The following GGT5 variants were observed in gnomAD, a reference collection of about 807,000 sequenced individuals.
GGT5 encodes gamma-glutamyltransferase 5.
A neutral mutation model predicts 58.1 loss-of-function variants in GGT5; 50 were observed. That is an observed-to-expected ratio of 0.86 (90% CI 0.69 to 1.09). GGT5 has a LOEUF of 1.09. Ranked by LOEUF, GGT5 falls within the 50% of genes least tolerant of loss-of-function variation. The pLI, the probability that GGT5 is intolerant of heterozygous loss-of-function variation, is 0.00. For synonymous variants in GGT5, 370 were observed against 346.1 expected (o/e 1.07, Z -0.77); for missense variants, 800 against 789.4 (o/e 1.01, Z -0.16).
At chr22:24,226,602 C>T (rs758165317) in intron 7 of GGT5, 29 bp downstream of exon 7, 2 of 1,611,998 alleles carry the variant, frequency 1.2e-6, no homozygotes, top group Non-Finnish European at 8.5e-7. Flanking sequence ...GAGGACGGCC[C>T]ACCAGCCCAG....
At chr22:24,231,269 A>G (rs1186158135) in intron 6 of GGT5, 115 bp downstream of exon 6, 2 of 657,082 alleles carry the variant, frequency 3.0e-6, no homozygotes, top group African/African-American at 2.0e-5. Context: ...AACCCGGTTT[A>G]TGGAGGAGGA....
At chr22:24,229,365 C>T (rs979500520) in intron 6 of GGT5, among the ~76,000 whole-genome samples, 2 of 150,758 alleles carry the variant, frequency 1.3e-5, no homozygotes, top group African/African-American at 4.9e-5. Context: ...CGAGACGCAC[C>T]ATTGCACTCC....
At position 24,232,902 on chromosome 22, in the gene GGT5, C is replaced by G; in HGVS notation, c.517G>C (p.Gly173Arg). 1.3e-6 allele frequency: 2 copies of G among 1,583,742 alleles called. No homozygotes were observed. The highest frequency in any genetic ancestry group is 1.7e-6 in the Non-Finnish European group (2 of 1,164,574). ...CTGAGGACAGGGGCCACCACATGCC[C>G]CCCTCGGAGCAGCGCGATGGTGGGC... is the stretch of plus-strand genomic sequence containing the variant. ...FQPTIALLRGGHVVAPVLSRF... is the reference protein window; with the variant it reads ...FQPTIALLRGRHVVAPVLSRF... The change falls in exon 4 of 12, where the codon GGG becomes CGG. Residue 173 changes from glycine to arginine, a missense_variant. By Grantham distance (125) the Gly-to-Arg change is moderately radical (BLOSUM62 -2). Coordinates refer to ENST00000327365, the MANE Select transcript of GGT5 (RefSeq NM_004121.5).
intron 1 of GGT5, chr22:24,244,318 CA>C: frequency 4.4e-6 from 2 of 457,060 alleles, no homozygotes; most frequent in South Asian, 4.9e-5. Flanking sequence ...CACACACACC[CA>C]CCCACACATA....
At chr22:24,225,132 G>A in intron 10 of GGT5, 26 bp from the exon 11 acceptor site, 8 of 1,584,372 alleles carry the variant, frequency 5.0e-6, no homozygotes, top group Non-Finnish European at 4.3e-6. Context: ...GGGTTTCAGG[G>A]AGAAAGGGGG....
At chr22:24,224,115 T>A (rs543295345) in intron 11 of GGT5, among the ~76,000 whole-genome samples, 119 of 152,110 alleles carry the variant, frequency 7.8e-4, no homozygotes, top group African/African-American at 2.8e-3. Flanking sequence ...AACCCAAAGA[T>A]GCTCCAAGGA....
At chr22:24,226,942 A>ATTT (rs34544519) in intron 6 of GGT5, among the ~76,000 whole-genome samples, 175 bp from the exon 7 acceptor site, 8 of 109,280 alleles carry the variant, frequency 7.3e-5, no homozygotes, top group Non-Finnish European at 1.3e-4. Flanking sequence ...TAAGTTAAGG[A>ATTT]TTTTTTTTTT....
At chr22:24,235,902 C>T (rs2048081748) in intron 1 of GGT5, among the ~76,000 whole-genome samples, 1 of 152,162 alleles carries the variant, frequency 6.6e-6, no homozygotes, top group South Asian at 2.1e-4. Context: ...GCACCCACCT[C>T]GCCCACCCTG....
intron 6 of GGT5, among the ~76,000 whole-genome samples, chr22:24,230,198 T>A (rs2047897214): frequency 6.6e-6 from 1 of 151,550 alleles, no homozygotes; most frequent in African/African-American, 2.4e-5. Flanking sequence ...CAAAACCCCA[T>A]CTCTACCAAA....
intron 6 of GGT5, among the ~76,000 whole-genome samples, chr22:24,230,724 G>C (rs1003896020): frequency 6.6e-6 from 1 of 152,028 alleles, no homozygotes; most frequent in Non-Finnish European, 1.5e-5. Flanking sequence ...CCTAGCATGG[G>C]TATTCCTACC....
rs781134975 is a variant in GGT5 at position 24,233,523 on chromosome 22, A to G, written c.375T>C (p.Cys125=). The G allele has an allele frequency of 3.1e-6, 5 of 1,607,334 alleles. No homozygotes were observed. The Admixed American group carries it at 5.0e-5, about 16-fold the overall frequency. Residue 125 remains cysteine, a synonymous_variant, in exon 3 of 12, where the codon TGT becomes TGC. Transcript: ENST00000327365. ...CTGTGCCCAGTGGCAGAGCCTGTGC[A>G]CACTGGTCCAGCAGGCTCGGGGCGT... ...ASHAPSLLDQ[C]AQALPLGTGA...
Position 24,232,159 on chromosome 22 carries a change from G to C in GGT5, c.646C>G (p.Pro216Ala), listed in dbSNP as rs1401192044. Residue 216 changes from proline to alanine, a missense_variant, in exon 5 of 12, where the codon CCA becomes GCA. By Grantham distance (27) the Pro-to-Ala change is conservative. Coordinates refer to ENST00000327365, the MANE Select transcript of GGT5 (RefSeq NM_004121.5). Reference protein sequence around the residue: ...TEPLRPQDPLPWPALATTLET... With the variant: ...TEPLRPQDPLAWPALATTLET... ...AGGGTGGTGGCCAGTGCAGGCCATGGGAGTGGGTCCTGAGGCCTCAGGGGT... is the reference window on the plus strand; with the variant it reads ...AGGGTGGTGGCCAGTGCAGGCCATGCGAGTGGGTCCTGAGGCCTCAGGGGT... 1.3e-6 allele frequency: 2 copies of C among 1,592,214 alleles called. No individual in the cohort carries two copies. The highest frequency in any genetic ancestry group is 1.8e-5 in the Admixed American group (1 of 56,900).
intron 1 of GGT5, among the ~76,000 whole-genome samples, chr22:24,235,162 G>T (rs1003401860): frequency 6.7e-6 from 1 of 149,212 alleles, no homozygotes; most frequent in Non-Finnish European, 1.5e-5. Flanking sequence ...GGATTCAAGC[G>T]ATTCTCCTGC....
chr22:24,222,933 C>T lies in GGT5; in HGVS notation c.1614+2063G>A, dbSNP rs369520062. Among the ~76,000 whole-genome samples the T allele has an allele frequency of 2.0e-4, 30 of 152,044 alleles. 1 individual carries two copies. Among genetic ancestry groups the T allele is most frequent in the Middle Eastern group, 3.4e-3 (1 of 294 alleles). ...TCTACTAAAAATACAAAAAATTAGC[C>T]GAGCGTGGTGGTGGGTGCCTGTAGT... On this transcript the variant is annotated intron_variant, in intron 11 of 11. Coordinates refer to ENST00000327365, the MANE Select transcript of GGT5 (RefSeq NM_004121.5).
At chr22:24,235,050 CTT>C (rs71189232) in intron 1 of GGT5, among the ~76,000 whole-genome samples, 2 of 75,660 alleles carry the variant, frequency 2.6e-5, no homozygotes, top group African/African-American at 1.1e-4. Flanking sequence ...AAGAAGCCAG[CTT>C]TTTTTTTTTT....
intron 11 of GGT5, among the ~76,000 whole-genome samples, chr22:24,222,568 A>G (rs1452389645): frequency 6.6e-6 from 1 of 152,094 alleles, no homozygotes; most frequent in Admixed American, 6.6e-5. Flanking sequence ...AAAGTCTCCA[A>G]CCCAGAGTTT....
chr22:24,231,121 C>T (rs1303814682), intron 6 of GGT5, among the ~76,000 whole-genome samples: 1 of 152,192 alleles, frequency 6.6e-6, no homozygotes, highest in Non-Finnish European at 1.5e-5. Flanking sequence ...GACTGGTCAC[C>T]CAGTGGGAGG....
intron 1 of GGT5, among the ~76,000 whole-genome samples, chr22:24,237,512 A>G (rs1264613837): frequency 6.6e-6 from 1 of 151,988 alleles, no homozygotes; most frequent in Non-Finnish European, 1.5e-5. Flanking sequence ...GGGTTCAAGC[A>G]ATTCTCCTGT....
At chr22:24,222,871 A>G (rs1018082853) in intron 11 of GGT5, among the ~76,000 whole-genome samples, 2 of 151,758 alleles carry the variant, frequency 1.3e-5, no homozygotes, top group Non-Finnish European at 2.9e-5. Flanking sequence ...AGGTCAGGAG[A>G]TCGAGACCAT....
Sources: allele counts gnomAD v4.1 joint callset (sites outside exome capture counted in the v4.1 genomes callset), GRCh38; gene constraint gnomAD v4.1.1; transcripts MANE v1.5; gene names NCBI Gene and HGNC (gene_info 2026-07-23, HGNC 2026-07-21).